Variants in HSPA4L observed in about 807,000 individuals in gnomAD.
HSPA4L encodes the protein heat shock 70 kDa protein 4L.
A neutral mutation model predicts 100.3 loss-of-function variants in HSPA4L; 48 were observed. The observed-to-expected ratio is 0.48, with a 90% CI of 0.38 to 0.61. HSPA4L has a LOEUF of 0.61. Ranked by LOEUF, HSPA4L falls within the 20% of genes least tolerant of loss-of-function variation. The probability of loss-of-function intolerance (pLI) is 0.00; values close to 1 mark genes in which losing one functional copy is unlikely to be tolerated. For missense variants in HSPA4L, 886 were observed against 988.6 expected, an observed-to-expected ratio of 0.90 and a Z score of 1.39; for synonymous variants, 319 against 328.2, an observed-to-expected ratio of 0.97 and a Z score of 0.30.
chr4:127,782,113 C>A (rs912995325), upstream of HSPA4L: 4 of 455,210 alleles, frequency 8.8e-6, no homozygotes, highest in African/African-American at 6.0e-5. Flanking sequence ...CCGCTTCTCC[C>A]GCCCCCGGAT....
At chr4:127,782,690 T>C in intron 1 of HSPA4L, 33 bp downstream of exon 1, 1 of 1,465,966 alleles carries the variant, frequency 6.8e-7, no homozygotes. Flanking sequence ...ACCTCGACCC[T>C]AAGAAACGTT....
chr4:127,809,223 G>C lies in HSPA4L; in HGVS notation c.1378+1094G>C, dbSNP rs1733457130. 4 of 1,372,688 alleles carry C rather than the reference G, an allele frequency of 2.9e-6. No homozygotes were observed. The East Asian group carries it at 9.2e-5, about 31-fold the overall frequency. The allele number at this position is 1,372,688 out of a possible 1,614,324, so 85.0% of individuals were successfully genotyped here. ...TTCAAAACAAGTTGCAATCTTGGCA[G>C]AACTGGACAAAGAGAAAAGAAGACT... On this transcript the variant is annotated intron_variant, in intron 11 of 18. Coordinates refer to ENST00000296464, the MANE Select transcript of HSPA4L (RefSeq NM_014278.4).
chr4:127,801,594 A>AT (rs1223590389), intron 5 of HSPA4L, among the ~76,000 whole-genome samples, 191 bp from the exon 6 acceptor site: 2 of 152,052 alleles, frequency 1.3e-5, no homozygotes, highest in Non-Finnish European at 2.9e-5. Flanking sequence ...CTTTACTATT[A>AT]CAGAGTTATA....
intron 15 of HSPA4L, 55 bp downstream of exon 15, chr4:127,822,949 A>C (rs1733852011): frequency 6.6e-7 from 1 of 1,521,694 alleles, no homozygotes; most frequent in Admixed American, 1.8e-5. Context: ...TTTACTCGAG[A>C]ATGCTAGTAC....
intron 13 of HSPA4L, among the ~76,000 whole-genome samples, chr4:127,818,891 A>G (rs969217082): frequency 1.3e-5 from 2 of 152,152 alleles, no homozygotes; most frequent in African/African-American, 4.8e-5. Flanking sequence ...TTTAAAAAAA[A>G]AAAAAGGAAA....
Position 127,835,686 on chromosome 4 carries a change from G to A in HSPA4L, c.*2812G>A, listed in dbSNP as rs897423178. The A allele has an allele frequency of 2.0e-5, 3 of 151,392 alleles. No homozygotes were observed. Among genetic ancestry groups the A allele is most frequent in the African/African-American group, 7.3e-5 (3 of 41,218 alleles). 9.4% of individuals were successfully genotyped at this position (151,392 alleles called of 1,614,324 possible). A position where few individuals can be genotyped will look rare whatever the true frequency, so the allele number is the denominator to read the frequency against. On this transcript the variant is annotated 3_prime_UTR_variant, in exon 19 of 19. Coordinates refer to ENST00000296464, the MANE Select transcript of HSPA4L (RefSeq NM_014278.4). ...CTCCTGCACTCCAGCCTGGGCAACA[G>A]AACAAGACTCCGTCTCAAAAAAAAA...
chr4:127,786,235 A>T (rs1732713117), intron 1 of HSPA4L, among the ~76,000 whole-genome samples: 1 of 152,186 alleles, frequency 6.6e-6, no homozygotes, highest in Non-Finnish European at 1.5e-5. Context: ...AATTAGTAAA[A>T]CAATGAATTG....
In HSPA4L at chr4:127,795,791, A is replaced by G. The variant is rs193060211; in HGVS notation, c.189A>G (p.Thr63=). The G allele has an allele frequency of 6.2e-7, 1 of 1,613,682 alleles. No homozygotes were observed. Among genetic ancestry groups the G allele is most frequent in the East Asian group, 2.2e-5 (1 of 44,850 alleles). The stretch of plus-strand genomic sequence containing the variant: ...AGATAGTCACGAACGTAAGAAATAC[A>G]ATTCATGGCTTCAAAAAGCTTCATG... The part of the protein sequence containing the change: ...KSQIVTNVRN[T]IHGFKKLHGR... Residue 63 remains threonine, a synonymous_variant, in exon 3 of 19, where the codon ACA becomes ACG. Transcript: ENST00000296464.
chr4:127,827,402 TG>T lies in HSPA4L; in HGVS notation c.2145del (p.Ile716Ter). The T allele has an allele frequency of 6.2e-7, 1 of 1,613,652 alleles. No homozygotes were observed. The highest frequency in any genetic ancestry group is 8.5e-7 in the Non-Finnish European group (1 of 1,179,708). On this transcript the variant is annotated frameshift_variant, in exon 17 of 19. Transcript: ENST00000296464. LOFTEE classifies it high-confidence loss of function. Reference protein sequence around the residue: ...LGKKIQLVMKVIEAYRNKDER... With the variant: ...LGKKIQLVMKXIEAYRNKDER... ...AAAAAGATCCAACTTGTCATGAAAG[TG>T]ATAGAAGCTTATAGAAACAAGGTAT...
intron 17 of HSPA4L, 102 bp downstream of exon 17, chr4:127,827,526 C>A: frequency 1.5e-6 from 2 of 1,290,462 alleles, no homozygotes; most frequent in South Asian, 1.6e-5. Flanking sequence ...GCAGTTGTAT[C>A]TATCAAATTC....
chr4:127,840,521 A>T lies in HSPA4L; in HGVS notation c.*7647A>T, dbSNP rs1177385712. 1 of 152,220 alleles carries T rather than the reference A, an allele frequency of 6.6e-6. No homozygotes were observed. Among genetic ancestry groups the T allele is most frequent in the Non-Finnish European group, 1.5e-5 (1 of 68,034 alleles). 9.4% of individuals were successfully genotyped at this position (152,220 alleles called of 1,614,324 possible). On this transcript the variant is annotated 3_prime_UTR_variant, in exon 19 of 19. Coordinates refer to ENST00000296464, the MANE Select transcript of HSPA4L (RefSeq NM_014278.4). ...ATGATCTTAAGTTGGTAACATAGGA[A>T]TATGTATTTGTCAATTTTAGTTCAC...
At chr4:127,827,693 G>T (rs1458619118) in intron 17 of HSPA4L, among the ~76,000 whole-genome samples, 1 of 151,092 alleles carries the variant, frequency 6.6e-6, no homozygotes, top group Non-Finnish European at 1.5e-5. Context: ...CAAATCCATT[G>T]TTTTCTTCCT....
intron 2 of HSPA4L, among the ~76,000 whole-genome samples, chr4:127,795,322 G>C (rs2148779831): frequency 6.6e-6 from 1 of 152,172 alleles, no homozygotes; most frequent in South Asian, 2.1e-4. Flanking sequence ...AATCCAAAAT[G>C]CTCCAAAATC....
rs1242416346 is a variant in HSPA4L at position 127,801,855 on chromosome 4, T to G, written c.600T>G (p.Phe200Leu). 3.7e-6 allele frequency: 6 copies of G among 1,610,832 alleles called. No individual in the cohort carries two copies. The highest frequency in any genetic ancestry group is 5.1e-6 in the Non-Finnish European group (6 of 1,178,048). The change falls in exon 6 of 19, where the codon TTT becomes TTG. Residue 200 changes from phenylalanine (F) to leucine (L), a missense_variant. By Grantham distance (22) the Phe-to-Leu change is conservative. Transcript: ENST00000296464. ...PLDEKPRNVV[F>L]IDMGHSAYQV... ...ATGAGAAACCAAGAAATGTAGTATT[T>G]ATTGATATGGGACATTCTGCCTATC...
chr4:127,834,423 T>A lies in HSPA4L; in HGVS notation c.*1549T>A, dbSNP rs981009299. ...TACGAGAGATTTTGTTTCTACAATG[T>A]AGTCAGCACTTAATGGAGAGTATGG... On this transcript the variant is annotated 3_prime_UTR_variant, in exon 19 of 19. Coordinates refer to ENST00000296464, the MANE Select transcript of HSPA4L (RefSeq NM_014278.4). 6.6e-6 allele frequency: 1 copy of A among 152,204 alleles called. No individual in the cohort carries two copies. Among genetic ancestry groups the A allele is most frequent in the African/African-American group, 2.4e-5 (1 of 41,468 alleles). The allele number at this position is 152,204 out of a possible 1,614,324, so 9.4% of individuals were successfully genotyped here. A position where few individuals can be genotyped will look rare whatever the true frequency, so the allele number is the denominator to read the frequency against.
At position 127,832,829 on chromosome 4, in the gene HSPA4L, C is replaced by T. The variant is rs772616206; in HGVS notation, c.2475C>T (p.Asp825=). The part of the protein sequence containing the change: ...GTETKSDSTK[D]SSQHTKSSGE... ...AAACTAAATCAGATTCAACAAAAGA[C>T]AGCTCACAGCATACTAAATCCTCTG... Residue 825 remains aspartate (D), a synonymous_variant, in exon 19 of 19, where the codon GAC becomes GAT. Coordinates refer to ENST00000296464, the MANE Select transcript of HSPA4L (RefSeq NM_014278.4). The T allele has an allele frequency of 6.2e-7, 1 of 1,612,824 alleles. No individual in the cohort carries two copies. Among genetic ancestry groups the T allele is most frequent in the Non-Finnish European group, 8.5e-7 (1 of 1,179,394 alleles).
chr4:127,783,453 T>C, intron 1 of HSPA4L: 1 of 1,371,540 alleles, frequency 7.3e-7, no homozygotes, highest in Non-Finnish European at 9.5e-7. Context: ...GACTGTGGAG[T>C]GATTCTATTA....
At chr4:127,802,862 T>C (rs1733230872) in intron 6 of HSPA4L, among the ~76,000 whole-genome samples, 1 of 152,126 alleles carries the variant, frequency 6.6e-6, no homozygotes, top group South Asian at 2.1e-4. Context: ...CCTCCTGTGA[T>C]ATTTACCACC....
intron 18 of HSPA4L, 116 bp from the exon 19 acceptor site, chr4:127,832,567 C>A: frequency 1.1e-6 from 1 of 910,444 alleles, no homozygotes; most frequent in Non-Finnish European, 1.7e-6. Context: ...TCTAGCTGAG[C>A]AAATTCAGAA....
Sources: allele counts gnomAD v4.1 joint callset (sites outside exome capture counted in the v4.1 genomes callset), GRCh38; gene constraint gnomAD v4.1.1; transcripts MANE v1.5; gene names NCBI Gene and HGNC (gene_info 2026-07-23, HGNC 2026-07-21).